ATP6V1B2: variants seen among roughly 807,000 people sequenced by gnomAD.
The protein encoded by ATP6V1B2 is ATPase H+ transporting V1 subunit B2.
A neutral mutation model predicts 66.7 loss-of-function variants in ATP6V1B2; 23 were observed. The ratio of observed to expected loss-of-function variants is 0.34; its 90% CI spans 0.25 to 0.49. ATP6V1B2 has a LOEUF of 0.49. Among genes scored for constraint, ATP6V1B2 ranks in the 20% least tolerant of loss-of-function variants. ATP6V1B2 has a pLI of 0.99. For synonymous variants in ATP6V1B2, 278 were observed against 236.7 expected, an observed-to-expected ratio of 1.17 and a Z score of -1.60; for missense variants, 478 against 650.8, an observed-to-expected ratio of 0.73 and a Z score of 2.89.
Position 20,210,634 on chromosome 8 carries a change from C to G in ATP6V1B2, c.451C>G (p.Leu151Val), listed in dbSNP as rs754962630. ...RGPVVLAEDF[L>V]DIMGQPINPQ... is the part of the protein sequence containing the mutation. Reference sequence around the variant, plus strand: ...TCCTGTTGTACTGGCCGAAGACTTCCTTGATATCATGGGTAGGTACAGTAG... The same window carrying G: ...TCCTGTTGTACTGGCCGAAGACTTCGTTGATATCATGGGTAGGTACAGTAG... The change falls in exon 5 of 14, where the codon CTT (leucine) becomes GTT (valine). Residue 151 changes from leucine (L) to valine (V), a missense_variant. Transcript: ENST00000276390. The G allele has an allele frequency of 1.2e-6, 2 of 1,613,374 alleles. No individual in the cohort carries two copies. Among genetic ancestry groups the G allele is most frequent in the East Asian group, 2.2e-5 (1 of 44,876 alleles).
chr8:20,212,277 T>G (rs551609991), intron 8 of ATP6V1B2, 78 bp downstream of exon 8: 16 of 1,352,294 alleles, frequency 1.2e-5, no homozygotes, highest in Non-Finnish European at 1.7e-5. Context: ...AGGTAAAATG[T>G]GGTAATAACA....
chr8:20,215,827 G>T (rs775712716), intron 10 of ATP6V1B2: 1 of 152,236 alleles, frequency 6.6e-6, no homozygotes, highest in Non-Finnish European at 1.5e-5. Context: ...CCTTTTTGGT[G>T]CAGCCTGTGT....
intron 2 of ATP6V1B2, among the ~76,000 whole-genome samples, chr8:20,206,692 A>T (rs529102889): frequency 6.6e-6 from 1 of 152,078 alleles, no homozygotes; most frequent in African/African-American, 2.4e-5. Flanking sequence ...TTGCTGCCGA[A>T]CCCAGAAACT....
At chr8:20,218,949 A>G (rs917370256) in intron 13 of ATP6V1B2, among the ~76,000 whole-genome samples, 8 of 152,106 alleles carry the variant, frequency 5.3e-5, no homozygotes, top group African/African-American at 9.7e-5. Flanking sequence ...TACCTCTGCT[A>G]TAATCATTGT....
In ATP6V1B2 at chr8:20,197,385, C is replaced by G. The variant is rs534462792; in HGVS notation, c.-22C>G. On this transcript the variant is annotated 5_prime_UTR_variant, in exon 1 of 14. Transcript: ENST00000276390. ...CGCGTGCGCGGCGTCGCTGCTGGGC[C>G]AGTCGGGACAGAGGAGACAAGATGG... 4 of 1,484,358 alleles carry G rather than the reference C, an allele frequency of 2.7e-6. No individual in the cohort carries two copies. Among genetic ancestry groups the G allele is most frequent in the African/African-American group, 2.9e-5 (2 of 68,812 alleles). 91.9% of individuals were successfully genotyped at this position (1,484,358 alleles called of 1,614,324 possible).
chr8:20,212,887 T>G lies in ATP6V1B2; in HGVS notation c.909T>G (p.Tyr303Ter). ...TTATTCTAACAGACATGAGTTCTTA[T>G]GCTGAAGCACTTCGAGAGGTAAGTT... ...VLVILTDMSS[Y>*]AEALREVSAA... Residue 303 changes from tyrosine to a stop codon, truncating the protein, a stop_gained, in exon 9 of 14, where the codon TAT becomes TAG. Coordinates refer to ENST00000276390, the MANE Select transcript of ATP6V1B2 (RefSeq NM_001693.4). LOFTEE classifies it high-confidence loss of function. 1 of 1,613,598 alleles carries G rather than the reference T, an allele frequency of 6.2e-7. No homozygotes were observed. Among genetic ancestry groups the G allele is most frequent in the Non-Finnish European group, 8.5e-7 (1 of 1,179,694 alleles).
intron 3 of ATP6V1B2, 143 bp downstream of exon 3, chr8:20,209,674 A>T: frequency 2.6e-6 from 2 of 774,926 alleles, no homozygotes; most frequent in Non-Finnish European, 2.1e-6. Context: ...AGAAACTATT[A>T]TTGCATGTTT....
intron 2 of ATP6V1B2, 41 bp from the exon 3 acceptor site, chr8:20,209,392 G>A (rs1563808916): frequency 1.9e-6 from 3 of 1,584,660 alleles, no homozygotes; most frequent in Non-Finnish European, 2.6e-6. Context: ...TGGGGGGCTT[G>A]TAAAATGTCG....
rs892196244 is a variant in ATP6V1B2, at chr8:20,221,464, G to A, written c.*1062G>A. The A allele has an allele frequency of 1.3e-5, 2 of 152,560 alleles. No homozygotes were observed. Among genetic ancestry groups the A allele is most frequent in the South Asian group, 2.1e-4 (1 of 4,824 alleles). 9.5% of individuals were successfully genotyped at this position (152,560 alleles called of 1,614,324 possible). On this transcript the variant is annotated 3_prime_UTR_variant, in exon 14 of 14. Transcript: ENST00000276390. ...CGCCTTCCTGACGTGAGCCCTGAGC[G>A]ATCTTCTATGCAGTTCTGCCATGCG...
rs376254752 is a variant in ATP6V1B2, at chr8:20,211,711, C to T, written c.663C>T (p.Asp221=). The part of the protein sequence containing the change: ...GLVKKSKDVV[D]YSEENFAIVF... ...TAAAGAAATCCAAAGATGTAGTAGA[C>T]TACAGTGAGGAAAATTTTGCAATTG... Residue 221 remains aspartate (D), a synonymous_variant, in exon 7 of 14, where the codon GAC becomes GAT. Coordinates refer to ENST00000276390, the MANE Select transcript of ATP6V1B2 (RefSeq NM_001693.4). 12 of 1,612,256 alleles carry T rather than the reference C, an allele frequency of 7.4e-6. No homozygotes were observed. In the African/African-American group the frequency reaches 1.6e-4, roughly 22 times the overall value.
rs748638365 is a variant in ATP6V1B2, at chr8:20,212,916, C to G, written c.927+11C>G. The stretch of plus-strand genomic sequence containing the variant: ...GAAGCACTTCGAGAGGTAAGTTGTT[C>G]ATGTTTTTCCCTCAGTTAAACAAAA... On this transcript the variant is annotated intron_variant, in intron 9 of 13. Coordinates refer to ENST00000276390, the MANE Select transcript of ATP6V1B2 (RefSeq NM_001693.4). 7.4e-6 allele frequency: 12 copies of G among 1,612,902 alleles called. No individual in the cohort carries two copies. In the South Asian group the frequency reaches 1.3e-4, roughly 18 times the overall value.
At chr8:20,207,870 ATAAG>A (rs1219008008) in intron 2 of ATP6V1B2, among the ~76,000 whole-genome samples, 23 of 152,194 alleles carry the variant, frequency 1.5e-4, no homozygotes, top group South Asian at 4.1e-4. Context: ...GATTTACTTG[ATAAG>A]TAAGAAAAGG....
At chr8:20,216,609 GT>G in intron 11 of ATP6V1B2, 114 bp downstream of exon 11, 1 of 896,782 alleles carries the variant, frequency 1.1e-6, no homozygotes. Flanking sequence ...AACTTGAATT[GT>G]TTTTAATATG....
intron 1 of ATP6V1B2, chr8:20,204,009 C>A (rs773495301): frequency 1.6e-4 from 71 of 455,980 alleles, no homozygotes; most frequent in South Asian, 3.1e-5. Flanking sequence ...TTCTGCGTAA[C>A]ATTAAGGATT....
rs1318417800 is a variant in ATP6V1B2, at chr8:20,211,163, T to C, written c.464-14T>C. 1.9e-6 allele frequency: 3 copies of C among 1,598,084 alleles called. No homozygotes were observed. The highest frequency in any genetic ancestry group is 1.8e-5 in the Admixed American group (1 of 54,904). On this transcript the variant is annotated splice_polypyrimidine_tract_variant and intron_variant, in intron 5 of 13. Transcript: ENST00000276390. The stretch of plus-strand genomic sequence containing the variant: ...GGCAACTTGTTGAAATTTTCCTTTT[T>C]GGAAATACATTAGGTCAGCCAATCA...
chr8:20,197,655 G>T (rs1418584182), intron 1 of ATP6V1B2, 113 bp downstream of exon 1: 11 of 1,241,508 alleles, frequency 8.9e-6, no homozygotes, highest in Non-Finnish European at 1.0e-5. Context: ...TCCCTCCCGC[G>T]TCTCCCCTCC....
intron 1 of ATP6V1B2, among the ~76,000 whole-genome samples, chr8:20,200,693 G>A (rs2072677202): frequency 1.3e-5 from 2 of 152,186 alleles, no homozygotes; most frequent in African/African-American, 4.8e-5. Flanking sequence ...TTTTGAATTT[G>A]GTCATCTCCA....
intron 13 of ATP6V1B2, among the ~76,000 whole-genome samples, chr8:20,219,278 A>T (rs1233192652): frequency 6.6e-6 from 1 of 152,048 alleles, no homozygotes; most frequent in Non-Finnish European, 1.5e-5. Context: ...CTCTAGTCCA[A>T]ACCTTTGTCC....
intron 6 of ATP6V1B2, 99 bp from the exon 7 acceptor site, chr8:20,211,553 C>T (rs929031435): frequency 6.6e-6 from 9 of 1,360,096 alleles, no homozygotes; most frequent in South Asian, 2.6e-5. Context: ...ATCCTGGTTT[C>T]GTTTATGATT....
Sources: allele counts gnomAD v4.1 joint callset (sites outside exome capture counted in the v4.1 genomes callset), GRCh38; gene constraint gnomAD v4.1.1; transcripts MANE v1.5; gene names NCBI Gene and HGNC (gene_info 2026-07-23, HGNC 2026-07-21).